The following TMEM108 variants were observed in gnomAD, a reference collection of about 807,000 sequenced individuals.
TMEM108 encodes the protein cancer/testis antigen 124.
TMEM108 carries 12 observed loss-of-function variants against 35.1 expected under a neutral mutation model. The observed-to-expected ratio is 0.34, with a 90% CI of 0.22 to 0.55. TMEM108 has a LOEUF of 0.55. Ranked by LOEUF, TMEM108 falls within the 20% of genes least tolerant of loss-of-function variation. TMEM108 has a pLI of 0.89. For missense variants in TMEM108, 680 were observed against 753.3 expected (o/e 0.90, Z 1.14); for synonymous variants, 287 against 308.6 (o/e 0.93, Z 0.73).
At chr3:133,103,219 T>G (rs1298284048) in intron 2 of TMEM108, among the ~76,000 whole-genome samples, 1 of 152,200 alleles carries the variant, frequency 6.6e-6, no homozygotes, top group Non-Finnish European at 1.5e-5. Flanking sequence ...ATAAAGAAAT[T>G]GTGTACATAT....
rs201002405 is a variant in TMEM108 at position 133,380,032 on chromosome 3, C to T, written c.321C>T (p.Pro107=). The change falls in exon 4 of 6, where the codon CCC becomes CCT. Residue 107 remains proline, a synonymous_variant. Coordinates refer to ENST00000321871, the MANE Select transcript of TMEM108 (RefSeq NM_023943.4). This position sits in a 1 kb window ranked among gnomAD's most constrained non-coding sequence, Gnocchi z 5.3. ...CCATCGCTGCGACAGTAACCGCCCC[C>T]CATTCTGAAAGCTCCCTGTCCACAG... ...ISTIAATVTA[P]HSESSLSTGP... 6.2e-7 allele frequency: 1 copy of T among 1,614,026 alleles called. No individual in the cohort carries two copies. The highest frequency in any genetic ancestry group is 2.2e-5 in the East Asian group (1 of 44,850).
chr3:133,085,833 GA>G (rs1484043462), intron 2 of TMEM108, among the ~76,000 whole-genome samples: 4 of 151,536 alleles, frequency 2.6e-5, no homozygotes, highest in Non-Finnish European at 5.9e-5. Flanking sequence ...GAAAAAAATT[GA>G]AAGCCATTAG....
At chr3:133,371,069 G>A (rs2072653631) in intron 3 of TMEM108, among the ~76,000 whole-genome samples, 1 of 152,146 alleles carries the variant, frequency 6.6e-6, no homozygotes, top group Non-Finnish European at 1.5e-5. Context: ...AGGAAAGGAG[G>A]ACAGTAAGGA....
chr3:133,272,783 C>G (rs1946790952), intron 3 of TMEM108, among the ~76,000 whole-genome samples: 1 of 152,188 alleles, frequency 6.6e-6, no homozygotes, highest in South Asian at 2.1e-4. Context: ...ACCTGATCTT[C>G]TCAGCCAGGG....
intron 2 of TMEM108, among the ~76,000 whole-genome samples, chr3:133,175,193 C>T (rs565033567): frequency 5.0e-4 from 76 of 152,268 alleles, no homozygotes; most frequent in Admixed American, 1.5e-3. Context: ...ACCAAATTTA[C>T]GTCTGATTGG....
At chr3:133,171,555 A>G (rs1396728929) in intron 2 of TMEM108, among the ~76,000 whole-genome samples, 1 of 152,174 alleles carries the variant, frequency 6.6e-6, no homozygotes, top group East Asian at 1.9e-4. Flanking sequence ...ACATTTTTGT[A>G]AAGATGAAAC....
intron 3 of TMEM108, among the ~76,000 whole-genome samples, chr3:133,271,051 A>T (rs911143432): frequency 3.3e-5 from 5 of 152,118 alleles, no homozygotes; most frequent in African/African-American, 1.2e-4. Flanking sequence ...ACTCCTAGTT[A>T]CCTCAAATGA....
intron 2 of TMEM108, among the ~76,000 whole-genome samples, chr3:133,059,795 T>C (rs933681347): frequency 6.6e-6 from 1 of 152,216 alleles, no homozygotes; most frequent in Admixed American, 6.5e-5. Flanking sequence ...TCTAGTTGTT[T>C]AATGCATTTT....
At chr3:133,156,880 C>T (rs927781484) in intron 2 of TMEM108, among the ~76,000 whole-genome samples, 1 of 152,106 alleles carries the variant, frequency 6.6e-6, no homozygotes, top group Non-Finnish European at 1.5e-5. Context: ...TTCTCTGCCA[C>T]TGGGATTGTG....
At chr3:133,319,167 A>G (rs1200125275) in intron 3 of TMEM108, among the ~76,000 whole-genome samples, 1 of 151,890 alleles carries the variant, frequency 6.6e-6, no homozygotes, top group East Asian at 1.9e-4. Flanking sequence ...TTTATCCCCC[A>G]TGGTAGCTAC....
At chr3:133,054,739 G>A (rs1180282510) in intron 2 of TMEM108, among the ~76,000 whole-genome samples, 2 of 152,202 alleles carry the variant, frequency 1.3e-5, no homozygotes. Context: ...GGGTAAGAAT[G>A]ATGGTCCTGG....
intron 3 of TMEM108, chr3:133,378,354 T>A: frequency 2.0e-6 from 2 of 985,500 alleles, no homozygotes; most frequent in Non-Finnish European, 2.4e-6. Context: ...CCCTGCCTTC[T>A]CCATCAGACA....
rs35428448 is a variant in TMEM108, at chr3:133,380,968, C to T, written c.1257C>T (p.Ser419=). The change falls in exon 4 of 6, where the codon TCC becomes TCT. Residue 419 remains serine (S), a synonymous_variant. Coordinates refer to ENST00000321871, the MANE Select transcript of TMEM108 (RefSeq NM_023943.4). The surrounding 1 kb of genome is among the most constrained non-coding windows in gnomAD (Gnocchi z 5.3). ...CCGACCGGGTGCCCAGTCCTCTCTCCACAGTGGTATCCACAGCCACAGGCA... is the reference window on the plus strand; with the variant it reads ...CCGACCGGGTGCCCAGTCCTCTCTCTACAGTGGTATCCACAGCCACAGGCA... The part of the protein sequence containing the change: ...TMTDRVPSPL[S]TVVSTATGNF... The T allele has an allele frequency of 2.5e-6, 4 of 1,614,220 alleles. No individual in the cohort carries two copies. In the African/African-American group the frequency reaches 4.0e-5, roughly 16 times the overall value.
chr3:133,060,865 C>G (rs916727523), intron 2 of TMEM108, among the ~76,000 whole-genome samples: 1 of 152,064 alleles, frequency 6.6e-6, no homozygotes, highest in Admixed American at 6.5e-5. Flanking sequence ...CTAGAAATAA[C>G]CTAAATACCT....
At chr3:133,129,745 C>A (rs1489896520) in intron 2 of TMEM108, among the ~76,000 whole-genome samples, 1 of 151,992 alleles carries the variant, frequency 6.6e-6, no homozygotes, top group Non-Finnish European at 1.5e-5. Flanking sequence ...TCTGTAACCA[C>A]CCTGTGAATA....
chr3:133,085,404 TTA>T (rs10548043), intron 2 of TMEM108, among the ~76,000 whole-genome samples: 36,254 of 152,050 alleles, frequency 0.24, 4,479 homozygotes, highest in East Asian at 0.31. Context: ...TGGAAAAAGT[TTA>T]TATACAAAGC....
intron 2 of TMEM108, among the ~76,000 whole-genome samples, chr3:133,051,907 G>A (rs1943410817): frequency 6.6e-6 from 1 of 152,078 alleles, no homozygotes; most frequent in African/African-American, 2.4e-5. Flanking sequence ...GCACTTTATA[G>A]TAGGTCTTGA....
At chr3:133,294,383 T>C (rs1036366510) in intron 3 of TMEM108, among the ~76,000 whole-genome samples, 2 of 152,188 alleles carry the variant, frequency 1.3e-5, no homozygotes, top group Admixed American at 6.5e-5. Flanking sequence ...GTTGAGAAGC[T>C]AAAGAAAACT....
chr3:133,156,636 AT>A (rs1343132488), intron 2 of TMEM108, among the ~76,000 whole-genome samples: 7 of 152,250 alleles, frequency 4.6e-5, no homozygotes, highest in Non-Finnish European at 1.0e-4. Flanking sequence ...GAGATAACAG[AT>A]GAGAAAGAAC....
Sources: gnomAD v4.1 joint callset for allele counts (sites outside exome capture counted in the v4.1 genomes callset) on GRCh38, gnomAD v4.1.1 for gene constraint, Gnocchi (gnomAD v3.1) non-coding constraint, MANE v1.5 for transcripts, NCBI Gene and HGNC (gene_info 2026-07-23, HGNC 2026-07-21) for gene names.